Variants in NRG3 observed in about 807,000 individuals in gnomAD.
NRG3 encodes pro-neuregulin-3, membrane-bound isoform.
Under a neutral mutation model 66.9 loss-of-function variants are expected in NRG3, and 31 were observed. The ratio of observed to expected loss-of-function variants is 0.46; its 90% confidence interval spans 0.35 to 0.63. The LOEUF is 0.63. Among genes scored for constraint, NRG3 ranks in the 20% least tolerant of loss-of-function variants. The pLI is 0.00. For missense variants in NRG3, 910 were observed against 878.9 expected (o/e 1.04, Z -0.45); for synonymous variants, 393 against 359.4 (o/e 1.09, Z -1.06).
rs1026369658 is a variant in NRG3 at position 82,625,032 on chromosome 10, C to A, written c.954-113545C>A. Reference sequence around the variant, plus strand: ...AAGGACGTTAAAGATCTTTCCTATTCTGGATAGAACAGAAGTGAAGCTGAT... The same window carrying A: ...AAGGACGTTAAAGATCTTTCCTATTATGGATAGAACAGAAGTGAAGCTGAT... On this transcript the variant is annotated intron_variant, in intron 2 of 8. Transcript: ENST00000372141. 3.3e-5 allele frequency among the ~76,000 whole-genome samples: 5 copies of A among 151,430 alleles called. No homozygotes were observed. In the East Asian group the frequency reaches 9.7e-4, roughly 29 times the overall value.
intron 2 of NRG3, among the ~76,000 whole-genome samples, chr10:82,451,561 A>G (rs2091018763): frequency 6.6e-6 from 1 of 152,222 alleles, no homozygotes; most frequent in African/African-American, 2.4e-5. Flanking sequence ...AAAACAAAGC[A>G]GCCAACCTTA....
chr10:82,154,663 T>G (rs2071050697), intron 1 of NRG3, among the ~76,000 whole-genome samples: 1 of 151,864 alleles, frequency 6.6e-6, no homozygotes, highest in Admixed American at 6.6e-5. Context: ...TTGGGTAGTT[T>G]GGACATGTAA....
At chr10:82,769,812 A>G (rs894200956) in intron 3 of NRG3, among the ~76,000 whole-genome samples, 5 of 152,130 alleles carry the variant, frequency 3.3e-5, no homozygotes, top group Admixed American at 6.6e-5. Flanking sequence ...AACCAAATAT[A>G]ACATTTTTTG....
At chr10:82,829,428 A>G (rs532440147) in intron 3 of NRG3, among the ~76,000 whole-genome samples, 7 of 152,338 alleles carry the variant, frequency 4.6e-5, no homozygotes, top group Non-Finnish European at 8.8e-5. Flanking sequence ...TTGTATAATC[A>G]GAAAGATGAT....
intron 2 of NRG3, among the ~76,000 whole-genome samples, chr10:82,515,751 C>T (rs1376100783): frequency 1.3e-5 from 2 of 152,174 alleles, no homozygotes; most frequent in South Asian, 2.1e-4. Flanking sequence ...ACTTCCAGGT[C>T]ACTACCACCA....
chr10:82,213,263 C>A (rs1041280823), intron 1 of NRG3, among the ~76,000 whole-genome samples: 9 of 152,178 alleles, frequency 5.9e-5, no homozygotes, highest in Non-Finnish European at 1.2e-4. Flanking sequence ...GGTTGAACAT[C>A]TGTAATCTGA....
chr10:81,916,631 G>A (rs577634352), intron 1 of NRG3, among the ~76,000 whole-genome samples: 5 of 152,264 alleles, frequency 3.3e-5, no homozygotes, highest in Admixed American at 6.5e-5. Context: ...GAGATGTAGT[G>A]TACTATTTAG....
chr10:82,759,017 T>C (rs1006741500), intron 3 of NRG3, among the ~76,000 whole-genome samples: 2 of 152,094 alleles, frequency 1.3e-5, no homozygotes, highest in African/African-American at 4.8e-5. Flanking sequence ...TGTTGAAATT[T>C]GATCCCCAAT....
At chr10:82,239,619 A>T (rs2076920449) in intron 1 of NRG3, among the ~76,000 whole-genome samples, 1 of 152,342 alleles carries the variant, frequency 6.6e-6, no homozygotes, top group Middle Eastern at 3.4e-3. Context: ...AGTCTTAAAT[A>T]TCACAAATAT....
chr10:82,055,201 G>A (rs181333253), intron 1 of NRG3, among the ~76,000 whole-genome samples: 7 of 152,140 alleles, frequency 4.6e-5, no homozygotes, highest in South Asian at 4.2e-4. Flanking sequence ...AAAAGAAGCC[G>A]AGCGCGGTGG....
chr10:82,631,500 T>C (rs1277173137), intron 2 of NRG3, among the ~76,000 whole-genome samples: 2 of 151,982 alleles, frequency 1.3e-5, no homozygotes, highest in South Asian at 2.1e-4. Flanking sequence ...ACTAAGTCTT[T>C]CAGGCAATGT....
At chr10:82,801,479 G>T (rs2061035685) in intron 3 of NRG3, among the ~76,000 whole-genome samples, 1 of 152,096 alleles carries the variant, frequency 6.6e-6, no homozygotes, top group African/African-American at 2.4e-5. Flanking sequence ...GTAGCAGATT[G>T]CCAAGCCCTC....
rs147672797 is a variant in NRG3, at chr10:81,892,346, C to A, written c.823+16183C>A. On this transcript the variant is annotated intron_variant, in intron 1 of 8. Transcript: ENST00000372141. Reference sequence around the variant, plus strand: ...ATTCCAAAAATAAGGGTATGAGGAGCCCTGGAGGAATTGCGGGCACACACA... The same window carrying A: ...ATTCCAAAAATAAGGGTATGAGGAGACCTGGAGGAATTGCGGGCACACACA... Among the ~76,000 whole-genome samples the A allele has an allele frequency of 3.0e-3, 453 of 151,702 alleles. 1 individual carries two copies. The highest frequency in any genetic ancestry group is 0.01 in the African/African-American group (421 of 41,330).
chr10:82,133,345 T>C (rs971538204), intron 1 of NRG3, among the ~76,000 whole-genome samples: 2 of 152,172 alleles, frequency 1.3e-5, no homozygotes, highest in African/African-American at 4.8e-5. Context: ...TTTTACAGAT[T>C]ATTTCATCAC....
At chr10:82,736,087 T>G (rs981503357) in intron 2 of NRG3, among the ~76,000 whole-genome samples, 1 of 152,152 alleles carries the variant, frequency 6.6e-6, no homozygotes, top group African/African-American at 2.4e-5. Context: ...TTTTTCTTAT[T>G]CTTGTGTCTT....
chr10:81,977,199 A>C (rs2060156356), intron 1 of NRG3, among the ~76,000 whole-genome samples: 1 of 152,166 alleles, frequency 6.6e-6, no homozygotes, highest in Non-Finnish European at 1.5e-5. Flanking sequence ...TGCCTCCCTC[A>C]TACTCTTGTA....
intron 2 of NRG3, among the ~76,000 whole-genome samples, chr10:82,672,673 C>CA (rs1325684512): frequency 6.6e-6 from 1 of 152,202 alleles, no homozygotes; most frequent in African/African-American, 2.4e-5. Flanking sequence ...CAAATCAAAA[C>CA]AAAACAATTC....
At chr10:82,903,240 G>A (rs1844405186) in intron 4 of NRG3, among the ~76,000 whole-genome samples, 1 of 152,080 alleles carries the variant, frequency 6.6e-6, no homozygotes, top group Non-Finnish European at 1.5e-5. Context: ...TGTTGCTATC[G>A]TGGTGAGCCC....
At chr10:82,929,518 T>C (rs752275914) in intron 4 of NRG3, among the ~76,000 whole-genome samples, 1 of 152,200 alleles carries the variant, frequency 6.6e-6, no homozygotes, top group Non-Finnish European at 1.5e-5. Flanking sequence ...CTTCCAGCAA[T>C]TGTTCTTTCT....
Sources: gnomAD v4.1 joint callset for allele counts (sites outside exome capture counted in the v4.1 genomes callset) on GRCh38, gnomAD v4.1.1 for gene constraint, MANE v1.5 for transcripts, NCBI Gene and HGNC (gene_info 2026-07-23, HGNC 2026-07-21) for gene names.